CALN1: variants seen among roughly 807,000 people sequenced by gnomAD.
CALN1 encodes the protein calneuron 1.
In CALN1, 17 loss-of-function variants were observed where a neutral mutation model predicts 30.6. The observed-to-expected ratio is 0.56, with a 90% CI of 0.38 to 0.83. The LOEUF (loss-of-function observed/expected upper bound fraction) is 0.83. Among genes scored for constraint, CALN1 ranks in the 40% least tolerant of loss-of-function variants. The pLI is 0.00. For missense variants in CALN1, 291 were observed against 354.9 expected (o/e 0.82, Z 1.45); for synonymous variants, 156 against 131.4 (o/e 1.19, Z -1.28).
chr7:71,984,304 T>C (rs868105539), intron 5 of CALN1, among the ~76,000 whole-genome samples: 2 of 152,164 alleles, frequency 1.3e-5, no homozygotes, highest in Admixed American at 6.5e-5. Flanking sequence ...GCCAGCCAAG[T>C]AGAATTAAAT....
At chr7:72,193,824 T>C (rs938301814) in intron 3 of CALN1, among the ~76,000 whole-genome samples, 10 of 152,230 alleles carry the variant, frequency 6.6e-5, no homozygotes, top group Admixed American at 5.9e-4. Context: ...CTGGATGGAA[T>C]TGGAGACCAT....
chr7:72,106,451 G>A (rs10950296), intron 3 of CALN1, among the ~76,000 whole-genome samples, 157 bp from the exon 4 acceptor site: 1 of 150,568 alleles, frequency 6.6e-6, no homozygotes, highest in African/African-American at 2.5e-5. Flanking sequence ...AAGAAGAACA[G>A]AAGAAAAGAA....
chr7:72,167,867 T>C (rs1788634296), intron 3 of CALN1, among the ~76,000 whole-genome samples: 1 of 152,218 alleles, frequency 6.6e-6, no homozygotes, highest in Non-Finnish European at 1.5e-5. Context: ...ATCACAGTCA[T>C]GTCAAGAGAG....
At chr7:72,177,053 C>T (rs1488750966) in intron 3 of CALN1, among the ~76,000 whole-genome samples, 1 of 152,142 alleles carries the variant, frequency 6.6e-6, no homozygotes, top group Admixed American at 6.5e-5. Context: ...TAACTCATAG[C>T]CTTCGTCTCC....
chr7:72,344,972 TATAA>T (rs932517275), intron 2 of CALN1, among the ~76,000 whole-genome samples: 8 of 147,286 alleles, frequency 5.4e-5, no homozygotes, highest in Non-Finnish European at 7.5e-5. Flanking sequence ...TATATTTATA[TATAA>T]ATATTTATAA....
At chr7:72,104,324 G>C (rs549837583) in intron 4 of CALN1, 2 of 152,344 alleles carry the variant, frequency 1.3e-5, no homozygotes, top group East Asian at 3.9e-4. Context: ...TGCAGGGACA[G>C]GGGGATTGGG....
intron 2 of CALN1, among the ~76,000 whole-genome samples, chr7:72,292,820 C>CAAAAAAAAAAAAAAAAAAAA (rs57352664): frequency 8.9e-6 from 1 of 112,860 alleles, no homozygotes; most frequent in Non-Finnish European, 1.7e-5. Context: ...TACTCTGTCT[C>CAAAAAAAAAAAAAAAAAAAA]AAAAAAAAAA....
chr7:72,408,326 A>G (rs1806846649), intron 1 of CALN1, among the ~76,000 whole-genome samples: 1 of 151,520 alleles, frequency 6.6e-6, no homozygotes, highest in Admixed American at 6.6e-5. Flanking sequence ...TTGTAGTCCC[A>G]GCTACTCAGG....
At chr7:71,977,626 G>C (rs951203087) in intron 5 of CALN1, among the ~76,000 whole-genome samples, 1 of 151,930 alleles carries the variant, frequency 6.6e-6, no homozygotes, top group East Asian at 1.9e-4. Context: ...TGTCTCCACA[G>C]TGCTTACAAA....
chr7:72,340,877 C>G (rs554400586), intron 2 of CALN1, among the ~76,000 whole-genome samples: 1 of 152,028 alleles, frequency 6.6e-6, no homozygotes, highest in Non-Finnish European at 1.5e-5. Context: ...TCACTTGGCT[C>G]TCTCTCTCTC....
intron 5 of CALN1, among the ~76,000 whole-genome samples, chr7:71,846,939 A>G (rs1790296939): frequency 6.9e-6 from 1 of 145,382 alleles, no homozygotes; most frequent in Non-Finnish European, 1.5e-5. Context: ...ATATACATAT[A>G]TGTATATATA....
chr7:72,362,624 C>T (rs767434506), intron 2 of CALN1, among the ~76,000 whole-genome samples: 1 of 152,102 alleles, frequency 6.6e-6, no homozygotes, highest in Non-Finnish European at 1.5e-5. Context: ...ACTCTTTTAC[C>T]GCAAGTTCTC....
intron 5 of CALN1, among the ~76,000 whole-genome samples, chr7:71,906,564 G>C (rs1275157827): frequency 6.6e-6 from 1 of 152,174 alleles, no homozygotes; most frequent in Non-Finnish European, 1.5e-5. Context: ...AGGCATGACA[G>C]ACCAGGCACT....
intron 3 of CALN1, among the ~76,000 whole-genome samples, chr7:72,230,749 T>C (rs1353271552): frequency 6.6e-6 from 1 of 152,214 alleles, no homozygotes; most frequent in Non-Finnish European, 1.5e-5. Context: ...ACCTCCAGAA[T>C]TGAAAGATAA....
chr7:72,167,459 G>A (rs545075822), intron 3 of CALN1, among the ~76,000 whole-genome samples: 27 of 152,132 alleles, frequency 1.8e-4, no homozygotes, highest in Admixed American at 5.2e-4. Flanking sequence ...ATTCTCCTGC[G>A]TCAGCCTTCC....
At chr7:72,433,584 C>G (rs184474724) in intron 1 of CALN1, among the ~76,000 whole-genome samples, 22 of 152,154 alleles carry the variant, frequency 1.4e-4, no homozygotes, top group African/African-American at 5.1e-4. Context: ...AGCACAGTGG[C>G]AGAGACTCCA....
At chr7:72,333,867 CT>C (rs1801832122) in intron 2 of CALN1, among the ~76,000 whole-genome samples, 1 of 152,108 alleles carries the variant, frequency 6.6e-6, no homozygotes, top group African/African-American at 2.4e-5. Context: ...GAGGAATGAG[CT>C]GCTGACCTAG....
At chr7:72,001,950 T>C (rs1799547562) in intron 5 of CALN1, among the ~76,000 whole-genome samples, 1 of 152,030 alleles carries the variant, frequency 6.6e-6, no homozygotes, top group Non-Finnish European at 1.5e-5. Context: ...TATAACCATA[T>C]CAAGTGAAAC....
At chr7:72,260,800 G>A (rs1404309413) in intron 3 of CALN1, among the ~76,000 whole-genome samples, 1 of 152,072 alleles carries the variant, frequency 6.6e-6, no homozygotes, top group Non-Finnish European at 1.5e-5. Flanking sequence ...CACAGCACCA[G>A]ATGGCAGAGA....
Sources: gnomAD v4.1 joint callset for allele counts (sites outside exome capture counted in the v4.1 genomes callset) on GRCh38, gnomAD v4.1.1 for gene constraint, MANE v1.5 for transcripts, NCBI Gene and HGNC (gene_info 2026-07-23, HGNC 2026-07-21) for gene names.